Variants in DPP6 observed in about 807,000 individuals in gnomAD.
DPP6 encodes dipeptidyl peptidase like 6.
A neutral mutation model predicts 122.6 loss-of-function variants in DPP6; 69 were observed. That is an observed-to-expected ratio of 0.56 (90% CI 0.46 to 0.69). The LOEUF is 0.69. Ranked by LOEUF, DPP6 falls within the 30% of genes least tolerant of loss-of-function variation. The pLI, the probability that DPP6 is intolerant of heterozygous loss-of-function variation, is 0.00. For synonymous variants in DPP6, 418 were observed against 433.1 expected (o/e 0.97, Z 0.43); for missense variants, 928 against 1,116.9 (o/e 0.83, Z 2.41).
At chr7:154,512,712 A>G (rs979905234) in intron 3 of DPP6, among the ~76,000 whole-genome samples, 1 of 152,186 alleles carries the variant, frequency 6.6e-6, no homozygotes, top group African/African-American at 2.4e-5. Context: ...TGAAATCATC[A>G]TCTTAGGGAT....
intron 8 of DPP6, among the ~76,000 whole-genome samples, chr7:154,729,611 G>T (rs992379398): frequency 6.6e-6 from 1 of 152,172 alleles, no homozygotes; most frequent in African/African-American, 2.4e-5. Context: ...CCTTTCCAAG[G>T]GCTTTCTCCC....
At chr7:154,517,909 C>T (rs548601805) in intron 3 of DPP6, among the ~76,000 whole-genome samples, 5 of 152,300 alleles carry the variant, frequency 3.3e-5, no homozygotes, top group South Asian at 2.1e-4. Flanking sequence ...CTCCACCATT[C>T]GGAGAGGCAG....
rs926770805 is a variant in DPP6 at position 153,905,916 on chromosome 7, G to A, written c.51+18182G>A. 9.2e-5 allele frequency among the ~76,000 whole-genome samples: 14 copies of A among 152,186 alleles called. No individual in the cohort carries two copies. The South Asian group carries it at 2.7e-3, about 29-fold the overall frequency. ...CAAAGAACTTAGAGCTAATAATAGC[G>A]AAGCCATAGGAAGAGCAGCAACAGA... On this transcript the variant is annotated intron_variant, in intron 1 of 25. Transcript: ENST00000404039.
chr7:154,196,362 C>A (rs1261786126), intron 1 of DPP6, among the ~76,000 whole-genome samples: 3 of 152,312 alleles, frequency 2.0e-5, no homozygotes, highest in Non-Finnish European at 4.4e-5. Context: ...CGTTGGTTCA[C>A]ACCTGTAATC....
chr7:154,788,569 C>A (rs1186536253), intron 10 of DPP6, among the ~76,000 whole-genome samples: 1 of 152,122 alleles, frequency 6.6e-6, no homozygotes, highest in African/African-American at 2.4e-5. Context: ...TTCAGATCAG[C>A]CTAAATTTTG....
At chr7:154,103,486 T>TC (rs754469011) in intron 1 of DPP6, among the ~76,000 whole-genome samples, 40 of 152,208 alleles carry the variant, frequency 2.6e-4, no homozygotes, top group Middle Eastern at 3.4e-3. Flanking sequence ...ACTGGCCAGC[T>TC]CCCCCCTCTC....
chr7:154,663,676 T>A (rs1485080612), intron 6 of DPP6, among the ~76,000 whole-genome samples: 1 of 46,710 alleles, frequency 2.1e-5, no homozygotes, highest in East Asian at 6.8e-4. Flanking sequence ...CATATAGTCA[T>A]GGTGAATCAC....
At chr7:154,328,366 T>C (rs995213656) in intron 1 of DPP6, among the ~76,000 whole-genome samples, 8 of 152,156 alleles carry the variant, frequency 5.3e-5, no homozygotes, top group Admixed American at 5.2e-4. Context: ...AGCAGGGAAG[T>C]AACGACGGGC....
intron 1 of DPP6, among the ~76,000 whole-genome samples, chr7:154,035,798 A>G (rs1037115139): frequency 9.8e-5 from 15 of 152,370 alleles, no homozygotes; most frequent in Non-Finnish European, 1.5e-4. Context: ...GGACATAGTA[A>G]TGCTGTTTGC....
rs912601354 is a variant in DPP6 at position 154,079,115 on chromosome 7, G to T, written c.243+26052G>T. 3.5e-4 allele frequency among the ~76,000 whole-genome samples: 53 copies of T among 152,088 alleles called. 1 individual carries two copies. Among genetic ancestry groups the T allele is most frequent in the African/African-American group, 1.2e-3 (51 of 41,414 alleles). ...CTACTAAAAATACAAAAATTAGCCA[G>T]GCTTTGTGGTGCATGCCCACAGTGA... On this transcript the variant is annotated intron_variant, in intron 1 of 25. Coordinates refer to ENST00000377770, the MANE Select transcript of DPP6 (RefSeq NM_130797.4).
chr7:154,275,794 G>A (rs775098090), intron 1 of DPP6, among the ~76,000 whole-genome samples: 1 of 152,314 alleles, frequency 6.6e-6, no homozygotes, highest in East Asian at 1.9e-4. Flanking sequence ...GGAGAGAGTG[G>A]TACAACCTTA....
Position 154,648,804 on chromosome 7 carries a change from G to A in DPP6, c.680+10931G>A, listed in dbSNP as rs184582378. On this transcript the variant is annotated intron_variant, in intron 6 of 25. Coordinates refer to ENST00000377770, the MANE Select transcript of DPP6 (RefSeq NM_130797.4). ...GTGGTTTGGGTGCACCTATAGTCCC[G>A]GCCACTAGGGAGGCTGAGGCAGGAG... Among the ~76,000 whole-genome samples the A allele has an allele frequency of 9.9e-5, 15 of 151,812 alleles. No individual in the cohort carries two copies. In the East Asian group the frequency reaches 1.4e-3, roughly 14 times the overall value.
intron 7 of DPP6, among the ~76,000 whole-genome samples, chr7:154,693,815 G>T (rs556246504): frequency 1.3e-5 from 2 of 152,292 alleles, no homozygotes; most frequent in African/African-American, 4.8e-5. Context: ...CATGTGGCTC[G>T]TGATGAGTCT....
At chr7:154,152,396 T>A (rs1166458224) in intron 1 of DPP6, among the ~76,000 whole-genome samples, 2 of 152,124 alleles carry the variant, frequency 1.3e-5, no homozygotes, top group South Asian at 2.1e-4. Context: ...GGACCCTCTG[T>A]CTCCCAGCCT....
Position 154,892,438 on chromosome 7 carries a change from A to T in DPP6, c.2556A>T (p.Lys852Asn). ...FFVECFRIQD[K>N]LLTVTAKEDE... is the part of the protein sequence containing the mutation. The stretch of plus-strand genomic sequence containing the variant: ...TGGAATGCTTCAGGATCCAGGACAA[A>T]CTGCTGACAGTCACAGCGAAAGAGG... Residue 852 changes from lysine to asparagine, a missense_variant, in exon 26 of 26, where the codon AAA (lysine) becomes AAT (asparagine). Transcript: ENST00000377770. 2 of 1,614,042 alleles carry T rather than the reference A, an allele frequency of 1.2e-6. No individual in the cohort carries two copies. The highest frequency in any genetic ancestry group is 1.7e-6 in the Non-Finnish European group (2 of 1,179,894).
At chr7:154,691,699 G>T (rs1436215716) in intron 7 of DPP6, among the ~76,000 whole-genome samples, 1 of 152,054 alleles carries the variant, frequency 6.6e-6, no homozygotes, top group East Asian at 1.9e-4. Context: ...CACACCTGTA[G>T]TCCCAGCTAC....
chr7:154,510,946 A>G (rs1449380730), intron 3 of DPP6, among the ~76,000 whole-genome samples: 1 of 76,730 alleles, frequency 1.3e-5, no homozygotes, highest in African/African-American at 5.0e-5. Flanking sequence ...GCACACACAC[A>G]CACACACACA....
At chr7:154,205,961 C>T (rs766860023) in intron 1 of DPP6, among the ~76,000 whole-genome samples, 38 of 152,106 alleles carry the variant, frequency 2.5e-4, no homozygotes, top group Admixed American at 2.2e-3. Flanking sequence ...AGACCACCCT[C>T]GGCCTCTGAC....
intron 1 of DPP6, among the ~76,000 whole-genome samples, chr7:154,331,242 A>G (rs371606333): frequency 2.6e-4 from 40 of 152,274 alleles, no homozygotes; most frequent in African/African-American, 9.4e-4. Context: ...TTCATCTATC[A>G]TTACCTCAAT....
Sources: gnomAD v4.1 joint callset for allele counts (sites outside exome capture counted in the v4.1 genomes callset) on GRCh38, gnomAD v4.1.1 for gene constraint, MANE v1.5 for transcripts, NCBI Gene and HGNC (gene_info 2026-07-23, HGNC 2026-07-21) for gene names.